The following LRMDA variants were observed in gnomAD, a reference collection of about 807,000 sequenced individuals.
LRMDA encodes the protein leucine rich melanocyte differentiation associated.
A neutral mutation model predicts 29.8 loss-of-function variants in LRMDA; 18 were observed. That is an observed-to-expected ratio of 0.60 (90% CI 0.42 to 0.90). The LOEUF is 0.90. LRMDA is among the 40% of genes least tolerant of loss of function. The pLI is 0.00. For synonymous variants in LRMDA, 125 were observed against 109.4 expected, an observed-to-expected ratio of 1.14 and a Z score of -0.89; for missense variants, 273 against 273.9, an observed-to-expected ratio of 1.00 and a Z score of 0.02.
At chr10:75,666,673 A>G (rs1841826578) in intron 2 of LRMDA, among the ~76,000 whole-genome samples, 1 of 152,146 alleles carries the variant, frequency 6.6e-6, no homozygotes, top group East Asian at 1.9e-4. Flanking sequence ...ATTTAATAAG[A>G]GTTCATTGTT....
chr10:76,118,242 C>A (rs1207934885), intron 5 of LRMDA, among the ~76,000 whole-genome samples: 1 of 152,146 alleles, frequency 6.6e-6, no homozygotes, highest in East Asian at 1.9e-4. Flanking sequence ...TGGCTGCCTT[C>A]CTCTGTAATT....
chr10:76,180,893 G>C (rs755125378), intron 5 of LRMDA, among the ~76,000 whole-genome samples: 32 of 152,146 alleles, frequency 2.1e-4, no homozygotes, highest in Non-Finnish European at 4.3e-4. Context: ...TCCTGCTTCT[G>C]AGTTTAGGGG....
intron 5 of LRMDA, among the ~76,000 whole-genome samples, chr10:76,132,966 CTTTTTTTTTT>C (rs35997711): frequency 7.0e-5 from 4 of 57,372 alleles, no homozygotes; most frequent in African/African-American, 1.4e-4. Context: ...CCACGCCCGG[CTTTTTTTTTT>C]TTTTTTTTTT....
intron 6 of LRMDA, among the ~76,000 whole-genome samples, chr10:76,369,468 G>T (rs1488333036): frequency 6.6e-6 from 1 of 152,106 alleles, no homozygotes; most frequent in Non-Finnish European, 1.5e-5. Flanking sequence ...TAGGGTTTCT[G>T]CTGAGAAATC....
chr10:75,867,171 AT>A (rs1160077942), intron 2 of LRMDA, among the ~76,000 whole-genome samples: 4 of 149,568 alleles, frequency 2.7e-5, no homozygotes, highest in South Asian at 2.1e-4. Flanking sequence ...ACAGATTTTT[AT>A]TTTTTTTTTG....
At chr10:75,730,798 T>C (rs1842687703) in intron 2 of LRMDA, among the ~76,000 whole-genome samples, 3 of 152,168 alleles carry the variant, frequency 2.0e-5, no homozygotes, top group Non-Finnish European at 4.4e-5. Context: ...GAACCTTCTT[T>C]TTTTTGAAGA....
At chr10:76,281,252 C>T (rs956681081) in intron 5 of LRMDA, among the ~76,000 whole-genome samples, 5 of 152,156 alleles carry the variant, frequency 3.3e-5, no homozygotes, top group Admixed American at 3.3e-4. Context: ...GGGAACAGAC[C>T]TCAAAGGTCC....
At chr10:76,021,768 C>T (rs1454881729) in intron 2 of LRMDA, among the ~76,000 whole-genome samples, 4 of 152,180 alleles carry the variant, frequency 2.6e-5, no homozygotes, top group African/African-American at 9.7e-5. Flanking sequence ...AAGGAGAGAC[C>T]TGCTCATAAA....
rs11001646 is a variant in LRMDA at position 76,161,684 on chromosome 10, G to A, written c.516+102901G>A. On this transcript the variant is annotated intron_variant, in intron 5 of 6. Coordinates refer to ENST00000611255, the MANE Select transcript of LRMDA (RefSeq NM_001305581.2). ...ATGAACAGAAAGGGTCACCGATGAG[G>A]CCAACAGTCCAAAACTGTCCACCTG... 5.6e-3 allele frequency among the ~76,000 whole-genome samples: 858 copies of A among 152,326 alleles called. 9 individuals carry two copies. Among genetic ancestry groups the A allele is most frequent in the African/African-American group, 0.019 (791 of 41,580 alleles).
chr10:75,545,799 T>C (rs1258056842), intron 2 of LRMDA, among the ~76,000 whole-genome samples: 4 of 152,208 alleles, frequency 2.6e-5, no homozygotes, highest in Non-Finnish European at 5.9e-5. Context: ...CTTCATGGTC[T>C]AGAACTTAAA....
intron 6 of LRMDA, among the ~76,000 whole-genome samples, chr10:76,549,069 G>T (rs1353844968): frequency 3.3e-5 from 5 of 152,080 alleles, no homozygotes; most frequent in Non-Finnish European, 7.4e-5. Context: ...TGAGGAACTT[G>T]CCCTGCATTT....
At chr10:75,509,489 T>C (rs903394886) in intron 2 of LRMDA, among the ~76,000 whole-genome samples, 1 of 152,218 alleles carries the variant, frequency 6.6e-6, no homozygotes, top group Non-Finnish European at 1.5e-5. Flanking sequence ...TGTGGCTCTC[T>C]GAGAGTTACA....
chr10:76,267,431 T>C (rs1437018355), intron 5 of LRMDA, among the ~76,000 whole-genome samples: 3 of 152,264 alleles, frequency 2.0e-5, no homozygotes, highest in East Asian at 1.9e-4. Context: ...TTCCAAACCC[T>C]TTTTTATCAC....
In LRMDA at chr10:76,497,148, C is replaced by T. The variant is rs1340270250; in HGVS notation, c.602-60061C>T. Among the ~76,000 whole-genome samples the T allele has an allele frequency of 5.3e-5, 4 of 75,724 alleles. 2 individuals carry two copies. Among genetic ancestry groups the T allele is most frequent in the Non-Finnish European group, 8.8e-5 (2 of 22,726 alleles). The allele number at this position is 75,724 out of a possible 152,430, so 49.7% of individuals were successfully genotyped here. A position where few individuals can be genotyped will look rare whatever the true frequency, so the allele number is the denominator to read the frequency against. On this transcript the variant is annotated intron_variant, in intron 6 of 6. Transcript: ENST00000611255. ...TATCTGTTTTCCCTTCACTTACTTC[C>T]TTGTTATCTCTTCACTGGGAGATGT... is the stretch of plus-strand genomic sequence containing the variant.
chr10:76,326,936 T>C (rs1373486107), intron 6 of LRMDA, among the ~76,000 whole-genome samples: 1 of 152,182 alleles, frequency 6.6e-6, no homozygotes, highest in African/African-American at 2.4e-5. Context: ...TGAGTTATGT[T>C]GATTTTCTTC....
intron 3 of LRMDA, among the ~76,000 whole-genome samples, chr10:76,045,230 G>A (rs1020985209): frequency 1.4e-5 from 2 of 140,474 alleles, no homozygotes. Context: ...TCCCTCTCTT[G>A]CTAGTTTCCC....
chr10:75,757,798 C>CTTTTTTTTTTTTTTTTTTTTTTTTTTTT (rs139801931), intron 2 of LRMDA, among the ~76,000 whole-genome samples: 1 of 140,036 alleles, frequency 7.1e-6, no homozygotes, highest in Admixed American at 7.2e-5. Flanking sequence ...AATTTTCTTT[C>CTTTTTTTTTTTTTTTTTTTTTTTTTTTT]TTTTTTTTTT....
At chr10:75,832,132 T>C (rs1288130539) in intron 2 of LRMDA, among the ~76,000 whole-genome samples, 1 of 152,238 alleles carries the variant, frequency 6.6e-6, no homozygotes, top group African/African-American at 2.4e-5. Flanking sequence ...TTGGATTTTC[T>C]TTTTTACTGC....
At chr10:76,359,903 A>T (rs1841290336) in intron 6 of LRMDA, among the ~76,000 whole-genome samples, 1 of 152,196 alleles carries the variant, frequency 6.6e-6, no homozygotes, top group Non-Finnish European at 1.5e-5. Context: ...ACCTTTGCTC[A>T]TGTACCATCA....
Sources: gnomAD v4.1 joint callset for allele counts (sites outside exome capture counted in the v4.1 genomes callset) on GRCh38, gnomAD v4.1.1 for gene constraint, MANE v1.5 for transcripts, NCBI Gene and HGNC (gene_info 2026-07-23, HGNC 2026-07-21) for gene names.